AGO2: variants seen among roughly 807,000 people sequenced by gnomAD.
AGO2 encodes protein argonaute-2.
In AGO2, 5 loss-of-function variants were observed where a neutral mutation model predicts 102.3. The observed-to-expected ratio is 0.05, with a 90% confidence interval of 0.03 to 0.10. The LOEUF is 0.10. Among genes scored for constraint, AGO2 ranks in the 10% least tolerant of loss-of-function variants. The pLI, the probability that AGO2 is intolerant of heterozygous loss-of-function variation, is 1.00. For synonymous variants in AGO2, 449 were observed against 473.1 expected (o/e 0.95, Z 0.66); for missense variants, 541 against 1,183.7 (o/e 0.46, Z 7.97).
chr8:140,561,524 G>A (rs73362311), intron 4 of AGO2, among the ~76,000 whole-genome samples: 2,488 of 152,270 alleles, frequency 0.016, 24 homozygotes, highest in African/African-American at 0.023. Context: ...GTTTCTCCAC[G>A]TACCTACGGC....
upstream of AGO2, chr8:140,638,376 G>A (rs1370805990): frequency 6.6e-6 from 1 of 152,220 alleles, no homozygotes; most frequent in Non-Finnish European, 1.5e-5. Flanking sequence ...TTGTCTGCAG[G>A]CCTTCTCAGA....
chr8:140,624,553 G>A (rs992209706), intron 1 of AGO2, among the ~76,000 whole-genome samples: 8 of 152,238 alleles, frequency 5.3e-5, no homozygotes, highest in African/African-American at 1.7e-4. Flanking sequence ...GGAGACGGCA[G>A]CACTGAGCAG....
chr8:140,578,985 T>C (rs2073509459), intron 2 of AGO2, among the ~76,000 whole-genome samples: 1 of 152,244 alleles, frequency 6.6e-6, no homozygotes, highest in Non-Finnish European at 1.5e-5. Context: ...CCTTAATACA[T>C]TCTCACCAAA....
At chr8:140,562,168 A>G (rs2073212570) in intron 4 of AGO2, among the ~76,000 whole-genome samples, 1 of 152,222 alleles carries the variant, frequency 6.6e-6, no homozygotes, top group South Asian at 2.1e-4. Context: ...ATGAGCAGAA[A>G]AGTGCTGGGT....
At chr8:140,599,468 AAAG>A (rs1315648591) in intron 1 of AGO2, among the ~76,000 whole-genome samples, 2 of 152,162 alleles carry the variant, frequency 1.3e-5, no homozygotes, top group African/African-American at 2.4e-5. Flanking sequence ...GTCAGAGCTG[AAAG>A]AAGAAAAGCA....
chr8:140,549,572 C>G (rs1272127100), intron 11 of AGO2, among the ~76,000 whole-genome samples: 1 of 152,286 alleles, frequency 6.6e-6, no homozygotes, highest in African/African-American at 2.4e-5. Context: ...CGTAACACAG[C>G]AGCCTTTAAA....
rs920644207 is a variant in AGO2 at position 140,540,454 on chromosome 8, G to T, written c.2034+710C>A. Among the ~76,000 whole-genome samples the T allele has an allele frequency of 9.9e-5, 15 of 152,184 alleles. No homozygotes were observed. Among genetic ancestry groups the T allele is most frequent in the Non-Finnish European group, 1.9e-4 (13 of 68,026 alleles). On this transcript the variant is annotated intron_variant, in intron 15 of 18. Coordinates refer to ENST00000220592, the MANE Select transcript of AGO2 (RefSeq NM_012154.5). The surrounding 1 kb of genome is among the most constrained non-coding windows in gnomAD (Gnocchi z 5.0). ...GTGTGGCATGGCGAGGGGTGGGGAG[G>T]AATCGGCTCTAGCCAACGGGAGAAA...
chr8:140,599,884 G>C (rs1284987571), intron 1 of AGO2, among the ~76,000 whole-genome samples: 2 of 152,188 alleles, frequency 1.3e-5, no homozygotes, highest in Admixed American at 1.3e-4. Flanking sequence ...ATCACACCTG[G>C]CTGATTTTTG....
At chr8:140,562,389 C>T in intron 4 of AGO2, 64 bp downstream of exon 4, 1 of 1,542,900 alleles carries the variant, frequency 6.5e-7, no homozygotes, top group Admixed American at 1.9e-5. Flanking sequence ...GATTTCAGAC[C>T]CTGCGGGGGG....
intron 1 of AGO2, among the ~76,000 whole-genome samples, chr8:140,609,487 C>T (rs1564114926): frequency 1.3e-5 from 2 of 152,240 alleles, no homozygotes; most frequent in Admixed American, 6.5e-5. Flanking sequence ...CCCATCACCC[C>T]GTGCACTGCT....
intron 17 of AGO2, among the ~76,000 whole-genome samples, chr8:140,534,005 G>A (rs769781262): frequency 5.3e-5 from 8 of 152,128 alleles, no homozygotes; most frequent in Non-Finnish European, 7.4e-5. Context: ...TGCCAGCCTC[G>A]CAGGCCCTTC....
chr8:140,563,957 A>G (rs768583536), intron 3 of AGO2, among the ~76,000 whole-genome samples: 12 of 152,152 alleles, frequency 7.9e-5, no homozygotes, highest in Non-Finnish European at 1.5e-4. Context: ...TCACCTGCAC[A>G]CCTGGGTCCC....
At chr8:140,559,317 C>G (rs1319901213) in intron 6 of AGO2, 78 bp downstream of exon 6, 9 of 1,563,866 alleles carry the variant, frequency 5.8e-6, no homozygotes, top group African/African-American at 5.5e-5. Context: ...AGAACCAGAA[C>G]TGCAAAATGC....
chr8:140,598,087 G>A (rs1471526487), intron 1 of AGO2, among the ~76,000 whole-genome samples: 1 of 152,242 alleles, frequency 6.6e-6, no homozygotes, highest in Non-Finnish European at 1.5e-5. Flanking sequence ...GGGTGAGAAA[G>A]GAGGAGATGA....
rs774577868 is a variant in AGO2, at chr8:140,585,327, G to A, written c.23-16C>T. 1.2e-6 allele frequency: 2 copies of A among 1,611,956 alleles called. No homozygotes were observed. The highest frequency in any genetic ancestry group is 2.2e-5 in the South Asian group (2 of 90,942). ...GGTGCAAGTGCTGGAATGGCAGAGA[G>A]AACACCCATTAACGGGGGAGCAGGC... is the stretch of plus-strand genomic sequence containing the variant. On this transcript the variant is annotated splice_polypyrimidine_tract_variant and intron_variant, in intron 1 of 18. Coordinates refer to ENST00000220592, the MANE Select transcript of AGO2 (RefSeq NM_012154.5).
chr8:140,564,735 G>A (rs900355957), intron 3 of AGO2, among the ~76,000 whole-genome samples: 3 of 152,118 alleles, frequency 2.0e-5, no homozygotes, highest in Admixed American at 6.5e-5. Context: ...CTAAGGTCAG[G>A]AGTTCAAGAC....
chr8:140,548,761 C>T (rs990447564), intron 12 of AGO2, among the ~76,000 whole-genome samples: 4 of 152,146 alleles, frequency 2.6e-5, no homozygotes, highest in African/African-American at 4.8e-5. Context: ...GGCTGAGTCC[C>T]GGGCAGGAGG....
chr8:140,610,509 G>A (rs1214722789), intron 1 of AGO2, among the ~76,000 whole-genome samples: 2 of 152,156 alleles, frequency 1.3e-5, no homozygotes, highest in Non-Finnish European at 2.9e-5. Context: ...GTGGGCCACC[G>A]TGCCTGGCCA....
At chr8:140,577,958 GAGA>G (rs1318476998) in intron 2 of AGO2, among the ~76,000 whole-genome samples, 2 of 152,248 alleles carry the variant, frequency 1.3e-5, no homozygotes, top group African/African-American at 2.4e-5. Context: ...GATCTCTCAA[GAGA>G]AGGAGGCTGT....
Sources: gnomAD v4.1 joint callset for allele counts (sites outside exome capture counted in the v4.1 genomes callset) on GRCh38, gnomAD v4.1.1 for gene constraint, Gnocchi (gnomAD v3.1) non-coding constraint, MANE v1.5 for transcripts, NCBI Gene and HGNC (gene_info 2026-07-23, HGNC 2026-07-21) for gene names.